DAG1: variants seen among roughly 807,000 people sequenced by gnomAD.
DAG1 encodes dystroglycan 1.
DAG1 carries 8 observed loss-of-function variants against 46.1 expected under a neutral mutation model. The observed-to-expected ratio is 0.17, with a 90% CI of 0.10 to 0.31. The LOEUF (loss-of-function observed/expected upper bound fraction) is 0.31, where lower values mean the gene tolerates loss of function less well. Ranked by LOEUF, DAG1 falls within the 10% of genes least tolerant of loss-of-function variation. The pLI, the probability that DAG1 is intolerant of heterozygous loss-of-function variation, is 1.00. For synonymous variants in DAG1, 495 were observed against 481.8 expected (o/e 1.03, Z -0.36); for missense variants, 1,003 against 1,189.9 (o/e 0.84, Z 2.31).
intron 1 of DAG1, among the ~76,000 whole-genome samples, chr3:49,482,802 C>G (rs1199329800): frequency 1.3e-5 from 2 of 152,078 alleles, no homozygotes; most frequent in Admixed American, 6.6e-5. Flanking sequence ...GAATCAAATT[C>G]TTTTGATTTT....
chr3:49,531,617 C>G lies in DAG1; in HGVS notation c.1106C>G (p.Thr369Ser), dbSNP rs780709869. Residue 369 changes from threonine (T) to serine (S), a missense_variant, in exon 3 of 3, where the codon ACC (threonine) becomes AGC (serine). Coordinates refer to ENST00000308775, the MANE Select transcript of DAG1 (RefSeq NM_004393.6). This position sits in a 1 kb window ranked among gnomAD's most constrained non-coding sequence, Gnocchi z 7.0. ...RDPVPGKPTV[T>S]IRTRGAIIQT... ...CCTGTTCCTGGGAAACCCACGGTCACCATCCGGACTCGAGGCGCCATTATT... is the reference window on the plus strand; with the variant it reads ...CCTGTTCCTGGGAAACCCACGGTCAGCATCCGGACTCGAGGCGCCATTATT... 15 of 1,613,206 alleles carry G rather than the reference C, an allele frequency of 9.3e-6. No individual in the cohort carries two copies. The highest frequency in any genetic ancestry group is 1.3e-5 in the Non-Finnish European group (15 of 1,179,254).
At chr3:49,502,049 C>G (rs1460417939) in intron 1 of DAG1, among the ~76,000 whole-genome samples, 1 of 152,108 alleles carries the variant, frequency 6.6e-6, no homozygotes, top group African/African-American at 2.4e-5. Flanking sequence ...TGGCGCACAC[C>G]TGTAGTTCCA....
At chr3:49,487,825 C>T (rs1471200036) in intron 1 of DAG1, among the ~76,000 whole-genome samples, 1 of 151,438 alleles carries the variant, frequency 6.6e-6, no homozygotes, top group African/African-American at 2.4e-5. Context: ...TCGGCCTCCC[C>T]ATTAGCTGGG....
At chr3:49,478,578 A>G (rs919578177) in intron 1 of DAG1, among the ~76,000 whole-genome samples, 5 of 114,094 alleles carry the variant, frequency 4.4e-5, no homozygotes, top group African/African-American at 1.4e-4. Flanking sequence ...GGGTTTTGCC[A>G]TGTTGCCCAC....
chr3:49,479,672 C>T (rs541800459), intron 1 of DAG1, among the ~76,000 whole-genome samples: 2 of 108,562 alleles, frequency 1.8e-5, no homozygotes, highest in African/African-American at 7.3e-5. Context: ...GAGTCTCCCT[C>T]TGTCACCTGG....
chr3:49,482,282 C>T (rs923191193), intron 1 of DAG1, among the ~76,000 whole-genome samples: 2 of 152,102 alleles, frequency 1.3e-5, no homozygotes, highest in African/African-American at 4.8e-5. Flanking sequence ...AATATAGCCT[C>T]GTGGAATGAG....
chr3:49,505,352 C>T (rs1000909092), intron 1 of DAG1, among the ~76,000 whole-genome samples: 4 of 151,966 alleles, frequency 2.6e-5, no homozygotes, highest in East Asian at 3.9e-4. Flanking sequence ...CAGCCTCTTG[C>T]GTAGCTGGGA....
intron 2 of DAG1, among the ~76,000 whole-genome samples, chr3:49,529,043 G>T (rs2051270347): frequency 6.6e-6 from 1 of 151,810 alleles, no homozygotes; most frequent in Admixed American, 6.6e-5. Context: ...TAGAGATGGG[G>T]TTTCGCCGTG....
At chr3:49,499,979 T>TC (rs1224118982) in intron 1 of DAG1, among the ~76,000 whole-genome samples, 1 of 146,826 alleles carries the variant, frequency 6.8e-6, no homozygotes, top group East Asian at 2.0e-4. Flanking sequence ...TTCTTCTTCT[T>TC]TTTTTTTTTT....
intron 1 of DAG1, among the ~76,000 whole-genome samples, chr3:49,478,222 C>T (rs1207502305): frequency 1.3e-4 from 18 of 142,358 alleles, no homozygotes; most frequent in Admixed American, 4.5e-4. Flanking sequence ...TGCAGTGAGC[C>T]GAGATCGTGC....
At chr3:49,495,950 G>GAA (rs111432411) in intron 1 of DAG1, among the ~76,000 whole-genome samples, 2 of 144,870 alleles carry the variant, frequency 1.4e-5, no homozygotes, top group African/African-American at 5.1e-5. Context: ...CAAAAAAACA[G>GAA]AAAAAAAAAA....
At chr3:49,493,513 C>T (rs538745722) in intron 1 of DAG1, among the ~76,000 whole-genome samples, 2 of 152,274 alleles carry the variant, frequency 1.3e-5, no homozygotes, top group African/African-American at 2.4e-5. Context: ...AGGATTTCTT[C>T]AGTCTTGTTA....
At chr3:49,525,559 C>CTTT in intron 2 of DAG1, among the ~76,000 whole-genome samples, 1 of 140,404 alleles carries the variant, frequency 7.1e-6, no homozygotes, top group African/African-American at 2.6e-5. Context: ...GTGCTACACA[C>CTTT]TTTTTTTTTT....
intron 1 of DAG1, among the ~76,000 whole-genome samples, chr3:49,477,987 C>A (rs182788658): frequency 6.6e-6 from 1 of 151,468 alleles, no homozygotes; most frequent in East Asian, 1.9e-4. Context: ...AAGAAAAGGA[C>A]TGGGCGTGGT....
At chr3:49,475,970 C>A (rs2049673100) in intron 1 of DAG1, among the ~76,000 whole-genome samples, 1 of 151,976 alleles carries the variant, frequency 6.6e-6, no homozygotes, top group Non-Finnish European at 1.5e-5. Flanking sequence ...CCACCTTGGC[C>A]TCCCAAGGTG....
At chr3:49,527,396 C>T (rs1362247910) in intron 2 of DAG1, among the ~76,000 whole-genome samples, 2 of 152,106 alleles carry the variant, frequency 1.3e-5, no homozygotes, top group Admixed American at 6.5e-5. Context: ...CGGTGGCGGG[C>T]GCCTGTAGTC....
chr3:49,483,988 T>C (rs1362801814), intron 1 of DAG1, among the ~76,000 whole-genome samples: 1 of 152,182 alleles, frequency 6.6e-6, no homozygotes, highest in Non-Finnish European at 1.5e-5. Flanking sequence ...TTTTGAGCAG[T>C]GTTGGAACGA....
At chr3:49,505,504 A>G (rs2050581052) in intron 1 of DAG1, among the ~76,000 whole-genome samples, 1 of 152,164 alleles carries the variant, frequency 6.6e-6, no homozygotes, top group South Asian at 2.1e-4. Flanking sequence ...TAGAAATACA[A>G]TTGATTTTTG....
intron 1 of DAG1, among the ~76,000 whole-genome samples, chr3:49,508,773 C>T (rs1440970500): frequency 1.3e-5 from 2 of 152,210 alleles, no homozygotes; most frequent in East Asian, 1.9e-4. Flanking sequence ...AAGTGAACCT[C>T]CTGTCTCAGC....
Sources: gnomAD v4.1 joint callset for allele counts (sites outside exome capture counted in the v4.1 genomes callset) on GRCh38, gnomAD v4.1.1 for gene constraint, Gnocchi (gnomAD v3.1) non-coding constraint, MANE v1.5 for transcripts, NCBI Gene and HGNC (gene_info 2026-07-23, HGNC 2026-07-21) for gene names.